Variants in ROBO2 observed in about 807,000 individuals in gnomAD.
ROBO2 encodes the protein roundabout guidance receptor 2, also known as roundabout homolog 2.
Under a neutral mutation model 160.8 loss-of-function variants are expected in ROBO2, and 53 were observed. That is an observed-to-expected ratio of 0.33 (90% CI 0.26 to 0.41). The LOEUF is 0.41. ROBO2 is among the 10% of genes least tolerant of loss of function. ROBO2 has a pLI of 1.00. For synonymous variants in ROBO2, 664 were observed against 611.7 expected (o/e 1.09, Z -1.26); for missense variants, 1,577 against 1,722.4 (o/e 0.92, Z 1.49).
chr3:76,055,047 A>G (rs2067788191), intron 2 of ROBO2, among the ~76,000 whole-genome samples: 1 of 152,232 alleles, frequency 6.6e-6, no homozygotes, highest in African/African-American at 2.4e-5. Flanking sequence ...ACAGTTCTAC[A>G]TTGCTAGAGA....
chr3:77,312,671 A>G (rs1237641595), intron 2 of ROBO2, among the ~76,000 whole-genome samples: 1 of 152,214 alleles, frequency 6.6e-6, no homozygotes, highest in Non-Finnish European at 1.5e-5. Context: ...GGCAAACTGA[A>G]GAGTTTAATG....
intron 1 of ROBO2, among the ~76,000 whole-genome samples, chr3:77,057,965 A>G (rs2065924612): frequency 6.6e-6 from 1 of 152,100 alleles, no homozygotes; most frequent in Non-Finnish European, 1.5e-5. Context: ...CGTTCTGCAC[A>G]TGTATCCAGA....
At chr3:76,211,771 A>C (rs1234693570) in intron 2 of ROBO2, among the ~76,000 whole-genome samples, 1 of 152,166 alleles carries the variant, frequency 6.6e-6, no homozygotes, top group East Asian at 1.9e-4. Flanking sequence ...TCAATGATGG[A>C]TAAAAGATGA....
chr3:75,971,236 C>A (rs2064982602), intron 2 of ROBO2, among the ~76,000 whole-genome samples: 1 of 150,946 alleles, frequency 6.6e-6, no homozygotes, highest in Admixed American at 6.6e-5. Context: ...GTTCTTTGTA[C>A]CATGAAAGAA....
chr3:76,242,039 T>A (rs918928577), intron 2 of ROBO2, among the ~76,000 whole-genome samples: 5 of 152,222 alleles, frequency 3.3e-5, no homozygotes, highest in Non-Finnish European at 7.3e-5. Context: ...AAATATTATC[T>A]TCATAGTCAC....
intron 2 of ROBO2, among the ~76,000 whole-genome samples, chr3:76,546,825 A>G (rs1331609066): frequency 2.0e-5 from 3 of 151,840 alleles, no homozygotes; most frequent in South Asian, 4.1e-4. Context: ...TTTTTACTCT[A>G]CACAAAACTT....
chr3:76,410,991 A>C (rs1383499290), intron 2 of ROBO2, among the ~76,000 whole-genome samples: 2 of 152,108 alleles, frequency 1.3e-5, no homozygotes, highest in Non-Finnish European at 2.9e-5. Flanking sequence ...GACAAGTTGC[A>C]AATTATCCTT....
At chr3:76,065,667 A>G (rs1032181494) in intron 2 of ROBO2, among the ~76,000 whole-genome samples, 1 of 151,296 alleles carries the variant, frequency 6.6e-6, no homozygotes, top group Non-Finnish European at 1.5e-5. Flanking sequence ...TTTTAAATGC[A>G]TAAAAATACA....
chr3:76,450,557 G>C (rs1301540216), intron 2 of ROBO2, among the ~76,000 whole-genome samples: 1 of 152,134 alleles, frequency 6.6e-6, no homozygotes, highest in Non-Finnish European at 1.5e-5. Context: ...CTCAAGTGAT[G>C]CTCCAGCCTC....
intron 2 of ROBO2, among the ~76,000 whole-genome samples, chr3:77,174,730 G>A (rs2079970635): frequency 6.6e-6 from 1 of 151,948 alleles, no homozygotes. Context: ...CTGTCAAATA[G>A]CTACTTTTTC....
At chr3:77,397,697 A>C (rs2075408385) in intron 2 of ROBO2, among the ~76,000 whole-genome samples, 1 of 152,166 alleles carries the variant, frequency 6.6e-6, no homozygotes, top group Admixed American at 6.6e-5. Flanking sequence ...AATAGTATTC[A>C]TAAAATGTTC....
chr3:77,116,840 T>C (rs915582546), intron 2 of ROBO2, among the ~76,000 whole-genome samples: 4 of 152,132 alleles, frequency 2.6e-5, no homozygotes, highest in African/African-American at 9.7e-5. Flanking sequence ...GTTCAGTGGG[T>C]CAGAGCTATT....
chr3:76,161,338 G>A (rs1208831426), intron 2 of ROBO2, among the ~76,000 whole-genome samples: 1 of 152,132 alleles, frequency 6.6e-6, no homozygotes, highest in Admixed American at 6.6e-5. Flanking sequence ...AGCTATTTTT[G>A]TGTCTTAGGG....
chr3:77,115,258 G>C (rs796606756), intron 2 of ROBO2, among the ~76,000 whole-genome samples: 6 of 152,194 alleles, frequency 3.9e-5, no homozygotes, highest in African/African-American at 1.4e-4. Flanking sequence ...AAGTAATTTA[G>C]AGAAATTTCA....
At chr3:76,178,011 G>A (rs539295207) in intron 2 of ROBO2, among the ~76,000 whole-genome samples, 1 of 152,088 alleles carries the variant, frequency 6.6e-6, no homozygotes, top group Non-Finnish European at 1.5e-5. Flanking sequence ...TGAAAGGTCT[G>A]CCTAACAACA....
intron 2 of ROBO2, among the ~76,000 whole-genome samples, chr3:76,338,109 T>C (rs1381860046): frequency 2.0e-5 from 3 of 152,174 alleles, no homozygotes; most frequent in Non-Finnish European, 4.4e-5. Context: ...TTCTAGTACA[T>C]GTATTTGAGA....
chr3:76,749,766 G>A, intron 2 of ROBO2, among the ~76,000 whole-genome samples: 1 of 151,912 alleles, frequency 6.6e-6, no homozygotes, highest in Non-Finnish European at 1.5e-5. Flanking sequence ...GAGACTGAGG[G>A]TGATTGGCAG....
In ROBO2 at chr3:76,528,339, A is replaced by T. The variant is rs77635356; in HGVS notation, c.110-569675A>T. ...GGTCACATTTAGGAACAATTACAAG[A>T]ACCCAGGGAAGATGACAGTGCCTTG... On this transcript the variant is annotated intron_variant, in intron 2 of 26. Coordinates refer to the ROBO2 transcript ENST00000487694. 2.7e-4 allele frequency among the ~76,000 whole-genome samples: 41 copies of T among 152,206 alleles called. 1 individual carries two copies. In the South Asian group the frequency reaches 2.7e-3, roughly 10 times the overall value.
At chr3:77,566,172 G>A (rs1406160183) in intron 12 of ROBO2, among the ~76,000 whole-genome samples, 1 of 151,982 alleles carries the variant, frequency 6.6e-6, no homozygotes, top group Admixed American at 6.6e-5. Context: ...AACGGAGAAG[G>A]GCACCTTAAA....
Sources: allele counts gnomAD v4.1 joint callset (sites outside exome capture counted in the v4.1 genomes callset), GRCh38; gene constraint gnomAD v4.1.1; transcripts MANE v1.5; gene names NCBI Gene and HGNC (gene_info 2026-07-23, HGNC 2026-07-21).